EVC2: variants seen among roughly 807,000 people sequenced by gnomAD.
EVC2 encodes the protein limbin.
In EVC2, 148 loss-of-function variants were observed where a neutral mutation model predicts 149.3. That is an observed-to-expected ratio of 0.99 (90% CI 0.87 to 1.14). The LOEUF is 1.14. EVC2 is among the 50% of genes most tolerant of loss of function. The pLI is 0.00. For missense variants in EVC2, 1,854 were observed against 1,627.3 expected (o/e 1.14, Z -2.40); for synonymous variants, 776 against 649.9 (o/e 1.19, Z -2.95).
At chr4:5,630,900 C>T (rs894571295) in intron 11 of EVC2, among the ~76,000 whole-genome samples, 1 of 152,176 alleles carries the variant, frequency 6.6e-6, no homozygotes, top group African/African-American at 2.4e-5. Context: ...TTACCCTTAC[C>T]ATCAGCTAGA....
chr4:5,574,031 A>G lies in EVC2; in HGVS notation c.3360+654T>C, dbSNP rs76037876. On this transcript the variant is annotated intron_variant, in intron 19 of 21. Coordinates refer to ENST00000344408, the MANE Select transcript of EVC2 (RefSeq NM_147127.5). The stretch of plus-strand genomic sequence containing the variant: ...GGAACTGTGGAAAGAATCACAGAAC[A>G]TGACCCTGATGTCACTGCATCAGCG... Among the ~76,000 whole-genome samples, 1,510 of 152,358 alleles carry G rather than the reference A, an allele frequency of 9.9e-3. 13 individuals are homozygous for G. Among genetic ancestry groups the G allele is most frequent in the African/African-American group, 0.034 (1,428 of 41,574 alleles).
chr4:5,653,976 G>A (rs1305500433), intron 9 of EVC2, among the ~76,000 whole-genome samples: 2 of 152,226 alleles, frequency 1.3e-5, no homozygotes, highest in African/African-American at 4.8e-5. Flanking sequence ...CACTTTGGGA[G>A]GCCGAGGCAG....
chr4:5,603,638 G>C (rs977992772), intron 16 of EVC2, among the ~76,000 whole-genome samples: 1 of 152,214 alleles, frequency 6.6e-6, no homozygotes, highest in Non-Finnish European at 1.5e-5. Context: ...GCAATCAGGA[G>C]TTCCACTTCT....
chr4:5,677,352 T>C lies in EVC2; in HGVS notation c.870+3908A>G, dbSNP rs1382979046. On this transcript the variant is annotated intron_variant, in intron 7 of 21. Coordinates refer to ENST00000344408, the MANE Select transcript of EVC2 (RefSeq NM_147127.5). This position sits in a 1 kb window ranked among gnomAD's most constrained non-coding sequence, Gnocchi z 4.3. Reference sequence around the variant, plus strand: ...AGTCAGCTGGGCCCACACAACACCATAGGGCCATCCTGTGCATACACCTCC... The same window carrying C: ...AGTCAGCTGGGCCCACACAACACCACAGGGCCATCCTGTGCATACACCTCC... 2.0e-5 allele frequency among the ~76,000 whole-genome samples: 3 copies of C among 152,070 alleles called. No homozygotes were observed. The highest frequency in any genetic ancestry group is 6.5e-5 in the Admixed American group (1 of 15,280).
chr4:5,601,606 A>G (rs906677062), intron 16 of EVC2, among the ~76,000 whole-genome samples: 1 of 152,170 alleles, frequency 6.6e-6, no homozygotes, highest in African/African-American at 2.4e-5. Flanking sequence ...AGATGTAATC[A>G]TTAATAAAAT....
chr4:5,689,464 G>T, intron 4 of EVC2, 121 bp from the exon 5 acceptor site: 2 of 990,688 alleles, frequency 2.0e-6, no homozygotes, highest in Non-Finnish European at 3.1e-6. Flanking sequence ...GCACGGTCTC[G>T]CAGAGGGCCT....
rs746909686 is a variant in EVC2 at position 5,576,524 on chromosome 4, C to T, written c.3058-70G>A. Reference sequence around the variant, plus strand: ...GGTGGGGTGGAGGACAAAATCTGACCTCCTGGGTGTCTTGCTACAAGTCTG... The same window carrying T: ...GGTGGGGTGGAGGACAAAATCTGACTTCCTGGGTGTCTTGCTACAAGTCTG... On this transcript the variant is annotated intron_variant, in intron 17 of 21. Transcript: ENST00000344408. The surrounding 1 kb of genome is among the most constrained non-coding windows in gnomAD (Gnocchi z 4.5). 8 of 1,536,488 alleles carry T rather than the reference C, an allele frequency of 5.2e-6. No homozygotes were observed. The highest frequency in any genetic ancestry group is 3.9e-5 in the Admixed American group (2 of 51,006).
In EVC2 at chr4:5,697,594, T is replaced by A; in HGVS notation, c.282A>T (p.Ala94=). The A allele has an allele frequency of 6.2e-7, 1 of 1,614,160 alleles. No homozygotes were observed. ...PKVECCHFKT[A]VEAPLGMKLD... ...ACATCAACCAGAAGAAAAACTCACC[T>A]GCAGTCTTAAAGTGACAGCATTCCA... The change falls in exon 2 of 22, where the codon GCA becomes GCT. Residue 94 remains alanine, a splice_region_variant and synonymous_variant. Transcript: ENST00000344408.
chr4:5,547,530 A>C (rs999027127), intron 21 of EVC2, among the ~76,000 whole-genome samples: 3 of 152,130 alleles, frequency 2.0e-5, no homozygotes, highest in Non-Finnish European at 4.4e-5. Context: ...ATGGCCATCC[A>C]TGGACCAACT....
chr4:5,658,795 G>T (rs1260217592), intron 9 of EVC2, among the ~76,000 whole-genome samples: 1 of 152,228 alleles, frequency 6.6e-6, no homozygotes, highest in African/African-American at 2.4e-5. Flanking sequence ...TAAAACGAGA[G>T]AGTTGTGAGA....
At chr4:5,631,694 A>C in intron 11 of EVC2, 99 bp downstream of exon 11, 1 of 1,497,726 alleles carries the variant, frequency 6.7e-7, no homozygotes, top group Non-Finnish European at 9.1e-7. Context: ...ACTAGTGCAC[A>C]GTACAAAGGA....
In EVC2 at chr4:5,679,175, C is replaced by T. The variant is rs1720181470; in HGVS notation, c.870+2085G>A. 6.6e-6 allele frequency among the ~76,000 whole-genome samples: 1 copy of T among 151,966 alleles called. No homozygotes were observed. The highest frequency in any genetic ancestry group is 1.5e-5 in the Non-Finnish European group (1 of 67,992). ...AGTGAGTGGTGAGTGAATGTGAAGG[C>T]GTAGGGTATGACTGTACACGACTAT... On this transcript the variant is annotated intron_variant, in intron 7 of 21. Transcript: ENST00000344408. The surrounding 1 kb of genome is among the most constrained non-coding windows in gnomAD (Gnocchi z 5.1).
intron 16 of EVC2, among the ~76,000 whole-genome samples, chr4:5,593,110 T>C (rs1712984460): frequency 6.6e-6 from 1 of 152,164 alleles, no homozygotes. Context: ...ATTGTAAGTT[T>C]CTTGAGGTCT....
intron 21 of EVC2, among the ~76,000 whole-genome samples, chr4:5,554,999 A>G (rs559175380): frequency 4.8e-5 from 7 of 145,486 alleles, no homozygotes; most frequent in African/African-American, 1.8e-4. Context: ...ATTGCATTAG[A>G]TAACTAGAGA....
chr4:5,649,255 A>C (rs1717945377), intron 9 of EVC2, among the ~76,000 whole-genome samples: 1 of 152,192 alleles, frequency 6.6e-6, no homozygotes, highest in South Asian at 2.1e-4. Context: ...TGCTTCAAAG[A>C]TGAACATATT....
intron 16 of EVC2, among the ~76,000 whole-genome samples, chr4:5,591,741 G>C (rs1322558659): frequency 1.3e-5 from 2 of 152,166 alleles, no homozygotes; most frequent in African/African-American, 4.8e-5. Context: ...TGTCTCTAGA[G>C]AGGGTTTTAA....
chr4:5,593,985 C>A (rs1713112975), intron 16 of EVC2, among the ~76,000 whole-genome samples: 1 of 152,328 alleles, frequency 6.6e-6, no homozygotes, highest in Non-Finnish European at 1.5e-5. Context: ...GGCAGTCTGA[C>A]ATTGAACTGC....
At chr4:5,617,096 G>C (rs1715313999) in intron 15 of EVC2, among the ~76,000 whole-genome samples, 1 of 143,204 alleles carries the variant, frequency 7.0e-6, no homozygotes, top group East Asian at 1.9e-4. Context: ...AAAAACAACA[G>C]TACTTAAAAA....
At chr4:5,559,187 G>A (rs2108762943), downstream of EVC2, among the ~76,000 whole-genome samples, 1 of 152,200 alleles carries the variant, frequency 6.6e-6, no homozygotes, top group East Asian at 1.9e-4. The surrounding 1 kb of genome is among the most constrained non-coding windows in gnomAD (Gnocchi z 5.0). Context: ...CAGCCTGGGT[G>A]ACAGAAATAA....
Sources: allele counts gnomAD v4.1 joint callset (sites outside exome capture counted in the v4.1 genomes callset), GRCh38; gene constraint gnomAD v4.1.1; non-coding constraint Gnocchi (gnomAD v3.1); transcripts MANE v1.5; gene names NCBI Gene and HGNC (gene_info 2026-07-23, HGNC 2026-07-21).